Variants in NRP2 observed in about 807,000 individuals in gnomAD.
NRP2 encodes the protein neuropilin-2.
In NRP2, 52 loss-of-function variants were observed where a neutral mutation model predicts 110.4. The ratio of observed to expected loss-of-function variants is 0.47; its 90% confidence interval spans 0.38 to 0.59. The LOEUF (loss-of-function observed/expected upper bound fraction) is 0.59, where lower values mean the gene tolerates loss of function less well. Ranked by LOEUF, NRP2 falls within the 20% of genes least tolerant of loss-of-function variation. The pLI is 0.00. For synonymous variants in NRP2, 508 were observed against 468.9 expected (o/e 1.08, Z -1.08); for missense variants, 1,049 against 1,203.0 (o/e 0.87, Z 1.89).
chr2:205,777,631 G>A (rs2058120504), intron 15 of NRP2: 1 of 152,082 alleles, frequency 6.6e-6, no homozygotes, highest in South Asian at 2.1e-4. Context: ...TGAGTACGAA[G>A]GTTAAAAAAC....
intron 7 of NRP2, among the ~76,000 whole-genome samples, chr2:205,733,753 C>T (rs933502890): frequency 3.3e-5 from 5 of 152,024 alleles, no homozygotes; most frequent in African/African-American, 1.2e-4. Context: ...CAAGCCCGCT[C>T]ATTGCTCTGA....
At chr2:205,706,243 A>G (rs2056674033) in intron 2 of NRP2, among the ~76,000 whole-genome samples, 1 of 151,850 alleles carries the variant, frequency 6.6e-6, no homozygotes, top group Non-Finnish European at 1.5e-5. Context: ...GCTGAACCAG[A>G]GTCTTGGAGG....
Position 205,796,777 on chromosome 2 carries a change from G to A in NRP2, c.*1719G>A, listed in dbSNP as rs868213821. The A allele has an allele frequency of 6.6e-6, 1 of 152,584 alleles. No homozygotes were observed. Among genetic ancestry groups the A allele is most frequent in the African/African-American group, 2.4e-5 (1 of 41,412 alleles). The allele number at this position is 152,584 out of a possible 1,614,324, so 9.5% of individuals were successfully genotyped here. A position where few individuals can be genotyped will look rare whatever the true frequency, so the allele number is the denominator to read the frequency against. On this transcript the variant is annotated 3_prime_UTR_variant, in exon 17 of 17. Coordinates refer to ENST00000357785, the MANE Select transcript of NRP2 (RefSeq NM_003872.3). ...ATCTTGATTTCATATTAACGCCTAA[G>A]GATTGCCTGTGTGCTGGAAATATAT...
intron 1 of NRP2, among the ~76,000 whole-genome samples, chr2:205,684,546 C>T (rs886923971): frequency 6.6e-6 from 1 of 152,150 alleles, no homozygotes; most frequent in Non-Finnish European, 1.5e-5. Flanking sequence ...GTACTGTCAC[C>T]CTTCCTTCTC....
intron 3 of NRP2, among the ~76,000 whole-genome samples, chr2:205,719,838 G>A (rs2056975558): frequency 6.6e-6 from 1 of 152,162 alleles, no homozygotes; most frequent in Admixed American, 6.5e-5. Context: ...AAACAGAGTG[G>A]ACATTTTTCA....
At chr2:205,741,715 T>C (rs981657880) in intron 8 of NRP2, among the ~76,000 whole-genome samples, 1 of 152,232 alleles carries the variant, frequency 6.6e-6, no homozygotes, top group Non-Finnish European at 1.5e-5. Context: ...ATTCCAGCTC[T>C]GACAGGGAGT....
chr2:205,783,733 A>G (rs2058203976), intron 15 of NRP2, among the ~76,000 whole-genome samples: 1 of 152,204 alleles, frequency 6.6e-6, no homozygotes, highest in Admixed American at 6.5e-5. Context: ...GGTGGAGGAG[A>G]AGCCCAGAGA....
At chr2:205,740,073 G>A (rs1208756902) in intron 7 of NRP2, 2 of 273,642 alleles carry the variant, frequency 7.3e-6, no homozygotes, top group African/African-American at 2.2e-5. Flanking sequence ...GAAGCACTTT[G>A]CAATTAGAAA....
chr2:205,734,022 C>A (rs1310658516), intron 7 of NRP2, among the ~76,000 whole-genome samples: 2 of 152,148 alleles, frequency 1.3e-5, no homozygotes, highest in Admixed American at 6.5e-5. Flanking sequence ...TCTCCTCCTT[C>A]ATGTAGGAAA....
chr2:205,776,406 G>A (rs2058099859), intron 15 of NRP2: 2 of 1,613,570 alleles, frequency 1.2e-6, no homozygotes, highest in South Asian at 1.1e-5. Context: ...TCCGCTATGC[G>A]GCCAAGAAGA....
rs762988706 is a variant in NRP2 at position 205,723,920 on chromosome 2, T to C, written c.800T>C (p.Val267Ala). Reference sequence around the variant, plus strand: ...GGCTTCTCTGCGCGTTACTACCTGGTCCACCAAGAGCCACTAGAGAGTGAG... The same window carrying C: ...GGCTTCTCTGCGCGTTACTACCTGGCCCACCAAGAGCCACTAGAGAGTGAG... ...KDGFSARYYL[V>A]HQEPLENFQC... The change falls in exon 5 of 17, where the codon GTC becomes GCC. Residue 267 changes from valine (V) to alanine (A), a missense_variant. Val to Ala is a moderately conservative substitution (Grantham distance 64). Coordinates refer to ENST00000357785, the MANE Select transcript of NRP2 (RefSeq NM_003872.3). 1 of 1,614,118 alleles carries C rather than the reference T, an allele frequency of 6.2e-7. No individual in the cohort carries two copies. The highest frequency in any genetic ancestry group is 1.7e-5 in the Admixed American group (1 of 60,020).
intron 11 of NRP2, among the ~76,000 whole-genome samples, chr2:205,750,989 T>A (rs1559347501): frequency 6.6e-6 from 1 of 152,170 alleles, no homozygotes; most frequent in Non-Finnish European, 1.5e-5. Context: ...TATTATTGTG[T>A]GGGTGGGGGA....
At position 205,794,946 on chromosome 2, in the gene NRP2, C is replaced by T. The variant is rs762518537; in HGVS notation, c.2669C>T (p.Ser890Leu). The part of the protein sequence containing the change: ...GLLLYCTCSY[S>L]GLSSRSCTTL... ...CTGCTCTACTGCACCTGTTCCTACT[C>T]GGGCCTGAGCTCCCGAAGCTGCACC... Residue 890 changes from serine (S) to leucine (L), a missense_variant, in exon 17 of 17, where the codon TCG becomes TTG. Coordinates refer to ENST00000357785, the MANE Select transcript of NRP2 (RefSeq NM_003872.3). 6.2e-6 allele frequency: 10 copies of T among 1,614,146 alleles called. No individual in the cohort carries two copies. In the East Asian group the frequency reaches 6.7e-5, roughly 11 times the overall value.
intron 3 of NRP2, among the ~76,000 whole-genome samples, chr2:205,721,307 A>G (rs939852696): frequency 1.3e-5 from 2 of 152,272 alleles, no homozygotes; most frequent in East Asian, 3.9e-4. Context: ...TGTGTTTTTT[A>G]TGCTTAGAGT....
intron 2 of NRP2, among the ~76,000 whole-genome samples, chr2:205,704,257 T>G (rs1575559877): frequency 6.6e-6 from 1 of 152,154 alleles, no homozygotes; most frequent in East Asian, 1.9e-4. Context: ...CAGTTGGAGG[T>G]GTGGCTTCAG....
intron 3 of NRP2, among the ~76,000 whole-genome samples, chr2:205,719,301 G>A (rs1271389456): frequency 6.6e-6 from 1 of 152,164 alleles, no homozygotes; most frequent in African/African-American, 2.4e-5. Context: ...GACCCACAGT[G>A]TGAGTGCAGA....
intron 15 of NRP2, among the ~76,000 whole-genome samples, chr2:205,774,571 C>T (rs528633935): frequency 2.5e-4 from 38 of 152,302 alleles, no homozygotes; most frequent in African/African-American, 8.4e-4. Flanking sequence ...AATGAACCTG[C>T]ACCCTAGCGG....
At chr2:205,792,380 A>G (rs2058311081) in intron 16 of NRP2, 95 bp downstream of exon 16, 1 of 845,188 alleles carries the variant, frequency 1.2e-6, no homozygotes, top group South Asian at 1.4e-5. Flanking sequence ...GGAGGGCCCA[A>G]ATCTAGAACT....
At chr2:205,685,921 T>C (rs1447786449) in intron 1 of NRP2, 4 of 152,252 alleles carry the variant, frequency 2.6e-5, no homozygotes, top group Non-Finnish European at 5.9e-5. Flanking sequence ...GCACAGCCTC[T>C]AGAAGCGCCG....
Sources: gnomAD v4.1 joint callset for allele counts (sites outside exome capture counted in the v4.1 genomes callset) on GRCh38, gnomAD v4.1.1 for gene constraint, MANE v1.5 for transcripts, NCBI Gene and HGNC (gene_info 2026-07-23, HGNC 2026-07-21) for gene names.